STAM2: variants seen among roughly 807,000 people sequenced by gnomAD.
STAM2 encodes signal transducing adapter molecule 2.
Under a neutral mutation model 65.6 loss-of-function variants are expected in STAM2, and 51 were observed. That is an observed-to-expected ratio of 0.78 (90% CI 0.62 to 0.98). The LOEUF (loss-of-function observed/expected upper bound fraction) is 0.98. Ranked by LOEUF, STAM2 falls within the 50% of genes least tolerant of loss-of-function variation. STAM2 has a pLI of 0.00. For missense variants in STAM2, 584 were observed against 617.8 expected (o/e 0.95, Z 0.58); for synonymous variants, 198 against 208.4 (o/e 0.95, Z 0.43).
intron 1 of STAM2, among the ~76,000 whole-genome samples, chr2:152,162,696 T>C (rs893134358): frequency 2.7e-4 from 41 of 152,254 alleles, no homozygotes; most frequent in African/African-American, 9.4e-4. Context: ...GGTTGGAGTA[T>C]AGTGGCGCGA....
intron 1 of STAM2, among the ~76,000 whole-genome samples, chr2:152,174,763 G>T (rs1240633819): frequency 6.6e-6 from 1 of 152,186 alleles, no homozygotes; most frequent in Non-Finnish European, 1.5e-5. Flanking sequence ...GGAGGCTGAG[G>T]TGGGAGGAAT....
intron 1 of STAM2, among the ~76,000 whole-genome samples, chr2:152,169,305 C>G (rs372239210): frequency 2.2e-4 from 34 of 152,264 alleles, no homozygotes; most frequent in Middle Eastern, 6.8e-3. Flanking sequence ...GAGACAGGAT[C>G]TGGCTCTGTC....
chr2:152,129,855 T>C (rs2105532530), intron 11 of STAM2, among the ~76,000 whole-genome samples: 1 of 152,358 alleles, frequency 6.6e-6, no homozygotes, highest in African/African-American at 2.4e-5. Context: ...GCAAAACTAC[T>C]GTTAATTGCC....
At chr2:152,167,309 A>G (rs1019123658) in intron 1 of STAM2, among the ~76,000 whole-genome samples, 1 of 152,232 alleles carries the variant, frequency 6.6e-6, no homozygotes, top group African/African-American at 2.4e-5. Context: ...ATAGGGACAG[A>G]GAGGTGCTTG....
intron 7 of STAM2, among the ~76,000 whole-genome samples, chr2:152,140,506 A>G (rs1560215027): frequency 6.6e-6 from 1 of 152,222 alleles, no homozygotes; most frequent in Non-Finnish European, 1.5e-5. Flanking sequence ...GATGTCCTTT[A>G]TGGATATAAT....
At chr2:152,167,031 TA>T (rs1166622673) in intron 1 of STAM2, among the ~76,000 whole-genome samples, 2 of 152,258 alleles carry the variant, frequency 1.3e-5, no homozygotes, top group African/African-American at 4.8e-5. Flanking sequence ...TGCTATCATT[TA>T]AAAATTACAC....
intron 7 of STAM2, among the ~76,000 whole-genome samples, chr2:152,136,784 CA>C (rs1309138853): frequency 6.6e-6 from 1 of 151,858 alleles, no homozygotes; most frequent in Admixed American, 6.6e-5. Context: ...TTCACCATTA[CA>C]AAGATAAGGT....
chr2:152,133,347 A>G, intron 9 of STAM2, 55 bp downstream of exon 9: 2 of 1,543,432 alleles, frequency 1.3e-6, no homozygotes, highest in Non-Finnish European at 1.8e-6. Context: ...ATTCTCAAAG[A>G]TAGTACATTT....
rs561795975 is a variant in STAM2 at position 152,133,858 on chromosome 2, T to C, written c.800-374A>G. On this transcript the variant is annotated intron_variant, in intron 8 of 13. Coordinates refer to ENST00000263904, the MANE Select transcript of STAM2 (RefSeq NM_005843.6). ...GTGTTACCACTGGGGTGAATAAATA[T>C]ATGACAGCAGACTATTATCTAGCAG... 1.2e-4 allele frequency among the ~76,000 whole-genome samples: 19 copies of C among 152,310 alleles called. No individual in the cohort carries two copies. In the East Asian group the frequency reaches 3.5e-3, roughly 28 times the overall value.
chr2:152,144,330 C>A (rs138725194), intron 6 of STAM2, among the ~76,000 whole-genome samples: 1 of 151,920 alleles, frequency 6.6e-6, no homozygotes, highest in Non-Finnish European at 1.5e-5. Flanking sequence ...TGACTCATAA[C>A]TTTGGCATTA....
Position 152,150,141 on chromosome 2 carries a change from T to C in STAM2, c.125+4A>G. The C allele has an allele frequency of 6.3e-7, 1 of 1,596,896 alleles. No individual in the cohort carries two copies. Among genetic ancestry groups the C allele is most frequent in the Non-Finnish European group, 8.6e-7 (1 of 1,164,800 alleles). Reference sequence around the variant, plus strand: ...CATTCACTGAGCATGACTGGACATCTTACCCATTAGGAGTACTTCCAACTT... The same window carrying C: ...CATTCACTGAGCATGACTGGACATCCTACCCATTAGGAGTACTTCCAACTT... On this transcript the variant is annotated splice_donor_region_variant and intron_variant, in intron 2 of 13. Transcript: ENST00000263904.
chr2:152,121,802 T>C (rs564269723), intron 13 of STAM2, among the ~76,000 whole-genome samples: 54 of 152,218 alleles, frequency 3.5e-4, no homozygotes, highest in Non-Finnish European at 6.0e-4. Flanking sequence ...CCTAGCACTT[T>C]GGGAGGCCGA....
At position 152,117,835 on chromosome 2, in the gene STAM2, A is replaced by AAATGT. The variant is rs1296192543; in HGVS notation, c.*2734_*2738dup. On this transcript the variant is annotated 3_prime_UTR_variant, in exon 14 of 14. Transcript: ENST00000263904. ...ATAACCATCTTCAAAACATACAGTAAAATGTATTACGTAGACAAGTATCAA... is the reference window on the plus strand; with the variant it reads ...ATAACCATCTTCAAAACATACAGTAAAATGTAATGTATTACGTAGACAAGTATCAA... 2 of 152,198 alleles carry AAATGT rather than the reference A, an allele frequency of 1.3e-5. No individual in the cohort carries two copies. The highest frequency in any genetic ancestry group is 6.5e-5 in the Admixed American group (1 of 15,284). 9.4% of individuals were successfully genotyped at this position (152,198 alleles called of 1,614,324 possible).
At chr2:152,161,307 G>A (rs4036223) in intron 1 of STAM2, among the ~76,000 whole-genome samples, 7 of 149,146 alleles carry the variant, frequency 4.7e-5, no homozygotes, top group Non-Finnish European at 8.9e-5. Context: ...CAGCATGCTC[G>A]TTAAGAGTCA....
chr2:152,168,838 C>G (rs1488656860), intron 1 of STAM2, among the ~76,000 whole-genome samples: 3 of 152,168 alleles, frequency 2.0e-5, no homozygotes, highest in Non-Finnish European at 4.4e-5. Flanking sequence ...ACAATTCAAT[C>G]CACAGTGATT....
At chr2:152,132,018 T>A in intron 11 of STAM2, 96 bp downstream of exon 11, 1 of 811,916 alleles carries the variant, frequency 1.2e-6, no homozygotes, top group South Asian at 1.7e-5. Flanking sequence ...CCATGAATTG[T>A]ACAGTTCCAC....
In STAM2 at chr2:152,145,477, CT is replaced by C. The variant is rs1286061563; in HGVS notation, c.448-521del. 3.3e-5 allele frequency among the ~76,000 whole-genome samples: 5 copies of C among 152,280 alleles called. No individual in the cohort carries two copies. In the East Asian group the frequency reaches 9.6e-4, roughly 29 times the overall value. On this transcript the variant is annotated intron_variant, in intron 5 of 13. Coordinates refer to ENST00000263904, the MANE Select transcript of STAM2 (RefSeq NM_005843.6). ...TAAACTCACACAGGGATCAAACTGGCTTAGATTTTGCATAAATGTAACACAG... is the reference window on the plus strand; with the variant it reads ...TAAACTCACACAGGGATCAAACTGGCTAGATTTTGCATAAATGTAACACAG...
At chr2:152,164,535 T>C (rs920273761) in intron 1 of STAM2, among the ~76,000 whole-genome samples, 1 of 151,914 alleles carries the variant, frequency 6.6e-6, no homozygotes, top group African/African-American at 2.4e-5. Context: ...AGGGACAGGG[T>C]TTTTCCATGT....
chr2:152,159,817 G>A (rs1037884623), intron 1 of STAM2, among the ~76,000 whole-genome samples: 3 of 152,192 alleles, frequency 2.0e-5, no homozygotes, highest in Admixed American at 2.0e-4. Context: ...TCTGCTCACT[G>A]CAACCTCCCT....
Sources: allele counts gnomAD v4.1 joint callset (sites outside exome capture counted in the v4.1 genomes callset), GRCh38; gene constraint gnomAD v4.1.1; transcripts MANE v1.5; gene names NCBI Gene and HGNC (gene_info 2026-07-23, HGNC 2026-07-21).